GUCY1A2: variants seen among roughly 807,000 people sequenced by gnomAD.
GUCY1A2 encodes the protein guanylate cyclase 1 soluble subunit alpha 2.
A neutral mutation model predicts 63.5 loss-of-function variants in GUCY1A2; 27 were observed. The ratio of observed to expected loss-of-function variants is 0.43; its 90% confidence interval spans 0.31 to 0.59. The LOEUF (loss-of-function observed/expected upper bound fraction) is 0.59, where lower values mean the gene tolerates loss of function less well. Among genes scored for constraint, GUCY1A2 ranks in the 20% least tolerant of loss-of-function variants. The pLI, the probability that GUCY1A2 is intolerant of heterozygous loss-of-function variation, is 0.11. For missense variants in GUCY1A2, 768 were observed against 913.3 expected, an observed-to-expected ratio of 0.84 and a Z score of 2.05; for synonymous variants, 364 against 343.5, an observed-to-expected ratio of 1.06 and a Z score of -0.66.
chr11:106,989,804 G>A (rs1000800412), intron 1 of GUCY1A2, among the ~76,000 whole-genome samples: 1 of 152,056 alleles, frequency 6.6e-6, no homozygotes, highest in Admixed American at 6.5e-5. Flanking sequence ...GATACAAGCA[G>A]AATTCTCAAT....
intron 4 of GUCY1A2, among the ~76,000 whole-genome samples, chr11:106,858,482 T>C (rs907992825): frequency 2.0e-5 from 3 of 152,086 alleles, no homozygotes; most frequent in East Asian, 1.9e-4. Flanking sequence ...TATCTCTGTT[T>C]TATAGATGAG....
At chr11:106,957,165 G>C (rs1860997092) in intron 3 of GUCY1A2, among the ~76,000 whole-genome samples, 1 of 152,188 alleles carries the variant, frequency 6.6e-6, no homozygotes, top group Non-Finnish European at 1.5e-5. Flanking sequence ...ACAGCCTGGA[G>C]CTATAGAAAT....
rs1591366251 is a variant in GUCY1A2 at position 107,017,879 on chromosome 11, C to G, written c.177G>C (p.Pro59=). 8.0e-7 allele frequency: 1 copy of G among 1,250,724 alleles called. No homozygotes were observed. The highest frequency in any genetic ancestry group is 1.0e-6 in the Non-Finnish European group (1 of 995,758). 77.5% of individuals were successfully genotyped at this position (1,250,724 alleles called of 1,614,324 possible). A position where few individuals can be genotyped will look rare whatever the true frequency, so the allele number is the denominator to read the frequency against. ...SPAAAAAAAA[P]APTPAASAAA... ...CGGCAGAAGCAGCCGGGGTCGGGGC[C>G]GGGGCGGCGGCAGCGGCAGCTGCGG... is the stretch of plus-strand genomic sequence containing the variant. Residue 59 remains proline (P), a synonymous_variant, in exon 1 of 8, where the codon CCG becomes CCC. Transcript: ENST00000526355.
intron 6 of GUCY1A2, among the ~76,000 whole-genome samples, chr11:106,750,479 CAACAA>C (rs1411510195): frequency 5.3e-5 from 8 of 152,026 alleles, no homozygotes; most frequent in African/African-American, 1.9e-4. Context: ...TTAACCATCA[CAACAA>C]AACAAAATAT....
At chr11:106,698,392 G>T (rs1386996347) in intron 7 of GUCY1A2, among the ~76,000 whole-genome samples, 1 of 151,716 alleles carries the variant, frequency 6.6e-6, no homozygotes, top group Admixed American at 6.6e-5. Flanking sequence ...AAAATGCTAG[G>T]ATTGCAGGCA....
intron 4 of GUCY1A2, among the ~76,000 whole-genome samples, chr11:106,829,497 A>T (rs1304556632): frequency 2.0e-5 from 3 of 152,192 alleles, no homozygotes; most frequent in African/African-American, 4.8e-5. Context: ...GACTGGGATA[A>T]TGATAATTTT....
chr11:106,847,563 AG>A (rs1472727257), intron 4 of GUCY1A2, among the ~76,000 whole-genome samples: 2 of 151,542 alleles, frequency 1.3e-5, no homozygotes, highest in Non-Finnish European at 1.5e-5. Context: ...CAAAGGAAGG[AG>A]AAGGCATTTC....
At chr11:106,707,816 T>G (rs1862942903) in intron 7 of GUCY1A2, among the ~76,000 whole-genome samples, 1 of 152,176 alleles carries the variant, frequency 6.6e-6, no homozygotes, top group South Asian at 2.1e-4. Context: ...TGTCAAAGAT[T>G]ACCTTTAAGA....
intron 6 of GUCY1A2, among the ~76,000 whole-genome samples, chr11:106,726,666 A>G (rs1863413763): frequency 6.6e-6 from 1 of 152,122 alleles, no homozygotes; most frequent in African/African-American, 2.4e-5. Flanking sequence ...TGTAGGAGAA[A>G]AATTGATAAG....
At chr11:106,827,283 A>G in intron 4 of GUCY1A2, 1 of 1,555,330 alleles carries the variant, frequency 6.4e-7, no homozygotes, top group South Asian at 1.1e-5. Context: ...ATGCAATTTT[A>G]GCCTCTGATT....
chr11:106,912,479 T>G (rs1860308837), intron 4 of GUCY1A2, among the ~76,000 whole-genome samples: 1 of 152,092 alleles, frequency 6.6e-6, no homozygotes, highest in South Asian at 2.1e-4. Context: ...CAGAACCAAA[T>G]AAAGTGCTAC....
intron 4 of GUCY1A2, among the ~76,000 whole-genome samples, chr11:106,917,687 A>C (rs371151152): frequency 7.1e-6 from 1 of 140,798 alleles, no homozygotes; most frequent in Admixed American, 7.2e-5. Context: ...GTAAACTATC[A>C]CAAGGACAAA....
At chr11:106,919,786 G>A (rs1218230516) in intron 4 of GUCY1A2, among the ~76,000 whole-genome samples, 1 of 152,116 alleles carries the variant, frequency 6.6e-6, no homozygotes, top group Non-Finnish European at 1.5e-5. Flanking sequence ...GGCTAGAACA[G>A]TGTGAAGAGA....
rs755453672 is a variant in GUCY1A2 at position 106,986,137 on chromosome 11, G to GAAT, written c.304-9_304-7dup. 5.2e-5 allele frequency: 70 copies of GAAT among 1,352,780 alleles called. No homozygotes were observed. Among genetic ancestry groups the GAAT allele is most frequent in the Admixed American group, 8.4e-5 (5 of 59,636 alleles). 83.8% of individuals were successfully genotyped at this position (1,352,780 alleles called of 1,614,324 possible). ...GTCTGCTGTATCGTCTGAGGCTACA[G>GAAT]AATAATAATAATAATAAAAACATAT... On this transcript the variant is annotated splice_polypyrimidine_tract_variant and splice_region_variant and intron_variant, in intron 1 of 7. Transcript: ENST00000526355.
At chr11:106,957,537 T>G (rs1471909157) in intron 3 of GUCY1A2, among the ~76,000 whole-genome samples, 1 of 151,702 alleles carries the variant, frequency 6.6e-6, no homozygotes, top group Non-Finnish European at 1.5e-5. Flanking sequence ...GGGAAGGGGC[T>G]TCCCCTTCCC....
At chr11:106,949,113 T>G (rs1057200980) in intron 3 of GUCY1A2, among the ~76,000 whole-genome samples, 2 of 152,186 alleles carry the variant, frequency 1.3e-5, no homozygotes, top group Non-Finnish European at 2.9e-5. Context: ...GTGTGTAAGT[T>G]CATAATGCAT....
chr11:106,776,878 C>T (rs1565286446), intron 5 of GUCY1A2, among the ~76,000 whole-genome samples: 1 of 152,090 alleles, frequency 6.6e-6, no homozygotes, highest in Admixed American at 6.6e-5. Flanking sequence ...AGTATTTTGC[C>T]TAGATAATTT....
At chr11:106,790,684 A>C (rs940378295) in intron 5 of GUCY1A2, among the ~76,000 whole-genome samples, 4 of 152,150 alleles carry the variant, frequency 2.6e-5, no homozygotes, top group African/African-American at 7.2e-5. Flanking sequence ...TTCAGGGCCC[A>C]AGGGCTCTTT....
chr11:106,763,833 A>G (rs1452706145), intron 6 of GUCY1A2, among the ~76,000 whole-genome samples: 3 of 152,098 alleles, frequency 2.0e-5, no homozygotes, highest in African/African-American at 4.8e-5. Context: ...TTCTTTTTCA[A>G]TCAATCAGTG....
Sources: gnomAD v4.1 joint callset for allele counts (sites outside exome capture counted in the v4.1 genomes callset) on GRCh38, gnomAD v4.1.1 for gene constraint, MANE v1.5 for transcripts, NCBI Gene and HGNC (gene_info 2026-07-23, HGNC 2026-07-21) for gene names.